Variants in SNTB1 observed in about 807,000 individuals in gnomAD.
The protein encoded by SNTB1 is syntrophin beta 1, also known as beta-1-syntrophin.
SNTB1 carries 36 observed loss-of-function variants against 48.9 expected under a neutral mutation model. That is an observed-to-expected ratio of 0.74 (90% CI 0.56 to 0.97). SNTB1 has a LOEUF of 0.97. Among genes scored for constraint, SNTB1 ranks in the 50% least tolerant of loss-of-function variants. SNTB1 has a pLI of 0.00. For missense variants in SNTB1, 786 were observed against 703.4 expected, an observed-to-expected ratio of 1.12 and a Z score of -1.33; for synonymous variants, 299 against 294.6, an observed-to-expected ratio of 1.01 and a Z score of -0.15.
At chr8:120,555,893 G>A (rs1815559258) in intron 4 of SNTB1, among the ~76,000 whole-genome samples, 1 of 152,116 alleles carries the variant, frequency 6.6e-6, no homozygotes, top group Non-Finnish European at 1.5e-5. Context: ...CACAGAAAGA[G>A]GGCAGCCATC....
At chr8:120,771,393 C>G (rs552967438) in intron 1 of SNTB1, among the ~76,000 whole-genome samples, 13 of 152,306 alleles carry the variant, frequency 8.5e-5, no homozygotes, top group African/African-American at 3.1e-4. Flanking sequence ...TGACAAATTT[C>G]TGTTTCCATG....
chr8:120,800,220 C>T (rs75371336), intron 1 of SNTB1, among the ~76,000 whole-genome samples: 2,800 of 152,120 alleles, frequency 0.018, 95 homozygotes, highest in African/African-American at 0.064. Context: ...ACATGCTTAG[C>T]AAATTGATTA....
At chr8:120,623,983 G>C (rs771575646) in intron 3 of SNTB1, among the ~76,000 whole-genome samples, 22 of 152,220 alleles carry the variant, frequency 1.4e-4, no homozygotes, top group Non-Finnish European at 3.1e-4. Flanking sequence ...TGTCACCCAG[G>C]CTGGAGTGCA....
chr8:120,569,755 C>T (rs918494067), intron 4 of SNTB1, among the ~76,000 whole-genome samples: 8 of 152,338 alleles, frequency 5.3e-5, no homozygotes, highest in East Asian at 1.9e-4. Flanking sequence ...ATGGTAGTCA[C>T]TAGCCACAGG....
intron 3 of SNTB1, among the ~76,000 whole-genome samples, chr8:120,604,167 A>G (rs1248142397): frequency 6.6e-6 from 1 of 152,230 alleles, no homozygotes; most frequent in African/African-American, 2.4e-5. Flanking sequence ...AAACTGAGCC[A>G]GGCCTCCTGG....
intron 1 of SNTB1, among the ~76,000 whole-genome samples, chr8:120,726,215 A>G (rs898967711): frequency 1.3e-5 from 2 of 152,222 alleles, no homozygotes; most frequent in African/African-American, 2.4e-5. Flanking sequence ...TTTTGTACAC[A>G]TACATTTCTG....
chr8:120,727,339 G>C (rs1320755606), intron 1 of SNTB1, among the ~76,000 whole-genome samples: 2 of 152,302 alleles, frequency 1.3e-5, no homozygotes, highest in East Asian at 3.9e-4. Context: ...ATGCAGACAA[G>C]AGGCAGGCAA....
At chr8:120,587,733 T>A (rs772476129) in intron 3 of SNTB1, among the ~76,000 whole-genome samples, 24 of 152,322 alleles carry the variant, frequency 1.6e-4, no homozygotes, top group Non-Finnish European at 3.1e-4. Context: ...ATGGCTCCAA[T>A]TCCCATTTCC....
At position 120,632,623 on chromosome 8, in the gene SNTB1, T is replaced by G. The variant is rs1817003924; in HGVS notation, c.817A>C (p.Lys273Gln). ...TTGCTCCTTAGGATCACCGTGTGCT[T>G]AGCATCTGGAGAGTGGATTTCAAGC... is the stretch of plus-strand genomic sequence containing the variant. ...RQLEIHSPDA[K>Q]HTVILRSKDS... is the part of the protein sequence containing the mutation. Residue 273 changes from lysine (K) to glutamine (Q), a missense_variant, in exon 3 of 7, where the codon AAG (lysine) becomes CAG (glutamine). Lys to Gln is a moderately conservative substitution (Grantham distance 53, BLOSUM62 1). Transcript: ENST00000517992. 6.2e-7 allele frequency: 1 copy of G among 1,613,978 alleles called. No homozygotes were observed. Among genetic ancestry groups the G allele is most frequent in the South Asian group, 1.1e-5 (1 of 91,078 alleles).
intron 1 of SNTB1, among the ~76,000 whole-genome samples, chr8:120,695,796 C>T (rs1227684985): frequency 1.3e-5 from 2 of 152,120 alleles, no homozygotes; most frequent in African/African-American, 4.8e-5. Flanking sequence ...AACACCAACA[C>T]ATATTTTCAA....
At chr8:120,593,894 A>T (rs573893036) in intron 3 of SNTB1, among the ~76,000 whole-genome samples, 1 of 152,248 alleles carries the variant, frequency 6.6e-6, no homozygotes, top group African/African-American at 2.4e-5. Context: ...TCTTCAGGGG[A>T]TCTTTCTTAA....
chr8:120,658,686 G>C (rs1364097907), intron 2 of SNTB1, among the ~76,000 whole-genome samples: 1 of 152,202 alleles, frequency 6.6e-6, no homozygotes, highest in East Asian at 1.9e-4. Flanking sequence ...CCTTGAGCGA[G>C]TTGTAATCTT....
At chr8:120,672,882 A>G (rs1412966388) in intron 2 of SNTB1, among the ~76,000 whole-genome samples, 2 of 152,114 alleles carry the variant, frequency 1.3e-5, no homozygotes, top group African/African-American at 4.8e-5. Flanking sequence ...TCTGTGTCAC[A>G]TGGCTTCTGC....
At chr8:120,640,880 C>T (rs887309363) in intron 2 of SNTB1, among the ~76,000 whole-genome samples, 6 of 152,116 alleles carry the variant, frequency 3.9e-5, no homozygotes, top group Non-Finnish European at 5.9e-5. Flanking sequence ...CAGGATGATG[C>T]TAGCCTCATA....
chr8:120,682,843 C>T (rs1305637655), intron 2 of SNTB1, among the ~76,000 whole-genome samples: 1 of 151,360 alleles, frequency 6.6e-6, no homozygotes, highest in African/African-American at 2.4e-5. Flanking sequence ...GGTAAATTAT[C>T]CAAAAGATAA....
chr8:120,605,194 TC>T lies in SNTB1; in HGVS notation c.996+27249del, dbSNP rs1205377350. Among the ~76,000 whole-genome samples, 8 of 152,340 alleles carry T rather than the reference TC, an allele frequency of 5.3e-5. No homozygotes were observed. In the East Asian group the frequency reaches 1.5e-3, roughly 29 times the overall value. On this transcript the variant is annotated intron_variant, in intron 3 of 6. Coordinates refer to ENST00000517992, the MANE Select transcript of SNTB1 (RefSeq NM_021021.4). Reference sequence around the variant, plus strand: ...TGATTCAGTGGTGCTGACTCTGCAGTCCCCTTTCTATAGGGCTTGGAGGAAC... The same window carrying T: ...TGATTCAGTGGTGCTGACTCTGCAGTCCCTTTCTATAGGGCTTGGAGGAAC...
At chr8:120,731,157 A>T (rs1818842538) in intron 1 of SNTB1, among the ~76,000 whole-genome samples, 1 of 152,114 alleles carries the variant, frequency 6.6e-6, no homozygotes, top group Non-Finnish European at 1.5e-5. Flanking sequence ...ACAAATAATA[A>T]ATAATAGCTA....
At chr8:120,582,680 G>A (rs966311409) in intron 3 of SNTB1, among the ~76,000 whole-genome samples, 4 of 152,094 alleles carry the variant, frequency 2.6e-5, no homozygotes, top group Admixed American at 1.3e-4. Context: ...AACACTGCAT[G>A]TTCTCACTCG....
intron 1 of SNTB1, among the ~76,000 whole-genome samples, chr8:120,773,738 T>C (rs1025575252): frequency 6.6e-6 from 1 of 152,206 alleles, no homozygotes; most frequent in African/African-American, 2.4e-5. Flanking sequence ...TCATTTAATA[T>C]TCCCAAGCAC....
Sources: gnomAD v4.1 joint callset for allele counts (sites outside exome capture counted in the v4.1 genomes callset) on GRCh38, gnomAD v4.1.1 for gene constraint, MANE v1.5 for transcripts, NCBI Gene and HGNC (gene_info 2026-07-23, HGNC 2026-07-21) for gene names.